The following TIAM1 variants were observed in gnomAD, a reference collection of about 807,000 sequenced individuals.
The protein encoded by TIAM1 is TIAM Rac1 associated GEF 1.
A neutral mutation model predicts 163.5 loss-of-function variants in TIAM1; 65 were observed. The ratio of observed to expected loss-of-function variants is 0.40; its 90% confidence interval spans 0.33 to 0.49. TIAM1 has a LOEUF of 0.49. Among genes scored for constraint, TIAM1 ranks in the 20% least tolerant of loss-of-function variants. TIAM1 has a pLI of 0.77. For missense variants in TIAM1, 1,789 were observed against 2,044.7 expected (o/e 0.87, Z 2.41); for synonymous variants, 833 against 810.1 (o/e 1.03, Z -0.48).
intron 2 of TIAM1, among the ~76,000 whole-genome samples, chr21:31,290,686 C>G (rs949619913): frequency 4.4e-5 from 6 of 135,018 alleles, no homozygotes; most frequent in African/African-American, 1.7e-4. Context: ...AAATTAGCAA[C>G]AGATTATGGA....
chr21:31,155,196 G>A (rs944204547), intron 16 of TIAM1, among the ~76,000 whole-genome samples: 2 of 152,198 alleles, frequency 1.3e-5, no homozygotes, highest in East Asian at 1.9e-4. Flanking sequence ...TAGGATTCCA[G>A]GATTCTAAAA....
intron 1 of TIAM1, among the ~76,000 whole-genome samples, chr21:31,502,315 AGGCAGG>A (rs1167431496): frequency 6.6e-6 from 1 of 152,212 alleles, no homozygotes; most frequent in East Asian, 1.9e-4. Flanking sequence ...TCTGTCGCCC[AGGCAGG>A]AGTGCAGTGA....
intron 2 of TIAM1, among the ~76,000 whole-genome samples, chr21:31,286,568 T>C (rs1443293383): frequency 6.6e-6 from 1 of 151,472 alleles, no homozygotes; most frequent in Non-Finnish European, 1.5e-5. Context: ...AAAAAATTAG[T>C]CAGGTGTGGT....
chr21:31,498,365 G>C (rs1026488307), intron 1 of TIAM1, among the ~76,000 whole-genome samples: 2 of 152,188 alleles, frequency 1.3e-5, no homozygotes, highest in Non-Finnish European at 2.9e-5. Context: ...AGGTACTACT[G>C]TCTGCAGAAG....
At chr21:31,282,410 G>A (rs1293241596) in intron 2 of TIAM1, among the ~76,000 whole-genome samples, 1 of 152,246 alleles carries the variant, frequency 6.6e-6, no homozygotes, top group Non-Finnish European at 1.5e-5. Context: ...TGGACAGACA[G>A]TGTTCCTTCC....
chr21:31,168,494 G>A (rs1165593782), intron 15 of TIAM1, among the ~76,000 whole-genome samples: 5 of 151,972 alleles, frequency 3.3e-5, no homozygotes, highest in African/African-American at 7.3e-5. Context: ...TCTACCTCCC[G>A]GGTTCACACC....
At chr21:31,328,323 T>C (rs1247532353) in intron 2 of TIAM1, among the ~76,000 whole-genome samples, 1 of 152,120 alleles carries the variant, frequency 6.6e-6, no homozygotes, top group Non-Finnish European at 1.5e-5. Context: ...AGATCAAAAA[T>C]ATTCAAAATA....
intron 1 of TIAM1, among the ~76,000 whole-genome samples, chr21:31,534,962 T>G (rs2048080723): frequency 6.6e-6 from 1 of 151,922 alleles, no homozygotes; most frequent in Non-Finnish European, 1.5e-5. Flanking sequence ...GCAGGTGTGG[T>G]GGCACCAGCC....
intron 2 of TIAM1, among the ~76,000 whole-genome samples, chr21:31,442,378 G>T (rs907581178): frequency 4.0e-5 from 6 of 151,442 alleles, no homozygotes; most frequent in Non-Finnish European, 1.5e-5. Flanking sequence ...GGCTACAGGT[G>T]CACGCCACCA....
intron 3 of TIAM1, among the ~76,000 whole-genome samples, chr21:31,271,048 G>A (rs1413499302): frequency 1.3e-5 from 2 of 152,020 alleles, no homozygotes; most frequent in Non-Finnish European, 2.9e-5. Flanking sequence ...CTTTTGCTTT[G>A]CCTTCACATT....
chr21:31,276,478 C>T (rs754418086), intron 3 of TIAM1, among the ~76,000 whole-genome samples: 1 of 152,134 alleles, frequency 6.6e-6, no homozygotes, highest in Non-Finnish European at 1.5e-5. Flanking sequence ...GATAAATTTA[C>T]GAGATCCTGA....
At position 31,292,019 on chromosome 21, in the gene TIAM1, C is replaced by T. The variant is rs372112455; in HGVS notation, c.-188-15111G>A. Among the ~76,000 whole-genome samples the T allele has an allele frequency of 6.6e-5, 10 of 152,244 alleles. No homozygotes were observed. The South Asian group carries it at 2.1e-3, about 32-fold the overall frequency. ...AAACCTTTCACCCTTATGAGGGCAG[C>T]GTGATTGGTAAATGTAACATAGGCT... is the stretch of plus-strand genomic sequence containing the variant. On this transcript the variant is annotated intron_variant, in intron 2 of 27. Coordinates refer to ENST00000541036, the MANE Select transcript of TIAM1 (RefSeq NM_001353694.2).
chr21:31,213,299 G>C (rs1569039152), intron 10 of TIAM1, 99 bp downstream of exon 10: 1 of 998,506 alleles, frequency 1.0e-6, no homozygotes, highest in Non-Finnish European at 1.5e-6. Context: ...TTTTAATATT[G>C]AGTTTACTTA....
chr21:31,496,144 T>G (rs145338424), intron 1 of TIAM1, among the ~76,000 whole-genome samples: 1 of 151,966 alleles, frequency 6.6e-6, no homozygotes, highest in Non-Finnish European at 1.5e-5. Flanking sequence ...GTTAAAAAAA[T>G]AAAATAAAAT....
In TIAM1 at chr21:31,128,083, C is replaced by T. The variant is rs559177681; in HGVS notation, c.4046-931G>A. On this transcript the variant is annotated intron_variant, in intron 25 of 27. Coordinates refer to ENST00000541036, the MANE Select transcript of TIAM1 (RefSeq NM_001353694.2). ...ATGAATAAAGTGTTTGTGAAAGGAA[C>T]AATTCACTGCAGACATTCAGGCCAT... is the stretch of plus-strand genomic sequence containing the variant. 2.8e-4 allele frequency among the ~76,000 whole-genome samples: 43 copies of T among 152,322 alleles called. 1 individual carries two copies. The South Asian group carries it at 8.7e-3, about 31-fold the overall frequency.
intron 15 of TIAM1, among the ~76,000 whole-genome samples, chr21:31,171,152 G>T (rs1328645853): frequency 1.3e-5 from 2 of 151,702 alleles, no homozygotes; most frequent in Non-Finnish European, 2.9e-5. Context: ...GATAAATGAT[G>T]CTAGGACGGT....
chr21:31,239,484 T>C (rs1054034428), intron 6 of TIAM1, among the ~76,000 whole-genome samples: 1 of 152,098 alleles, frequency 6.6e-6, no homozygotes, highest in Non-Finnish European at 1.5e-5. Context: ...TTATAGCATG[T>C]AGATTTAAAA....
intron 2 of TIAM1, among the ~76,000 whole-genome samples, chr21:31,310,879 GTTTATT>G (rs2074899029): frequency 6.6e-6 from 1 of 152,160 alleles, no homozygotes; most frequent in African/African-American, 2.4e-5. Context: ...ATGTCAAAAT[GTTTATT>G]TCTACAGCAA....
At chr21:31,521,475 C>A (rs915303169) in intron 1 of TIAM1, among the ~76,000 whole-genome samples, 1 of 152,132 alleles carries the variant, frequency 6.6e-6, no homozygotes. Context: ...AGAGTGCACA[C>A]CTGTAATCCC....
Sources: gnomAD v4.1 joint callset for allele counts (sites outside exome capture counted in the v4.1 genomes callset) on GRCh38, gnomAD v4.1.1 for gene constraint, MANE v1.5 for transcripts, NCBI Gene and HGNC (gene_info 2026-07-23, HGNC 2026-07-21) for gene names.